Variants in BUB1B observed in about 807,000 individuals in gnomAD.
The protein encoded by BUB1B is mitotic checkpoint serine/threonine-protein kinase BUB1 beta.
In BUB1B, 86 loss-of-function variants were observed where a neutral mutation model predicts 137.7. That is an observed-to-expected ratio of 0.62 (90% CI 0.52 to 0.75). BUB1B has a LOEUF of 0.75. BUB1B is among the 30% of genes least tolerant of loss of function. BUB1B has a pLI of 0.00. For missense variants in BUB1B, 1,130 were observed against 1,236.9 expected (o/e 0.91, Z 1.30); for synonymous variants, 420 against 417.9 (o/e 1.00, Z -0.06).
intron 8 of BUB1B, among the ~76,000 whole-genome samples, chr15:40,191,946 C>G (rs1441159305): frequency 6.6e-6 from 1 of 151,930 alleles, no homozygotes; most frequent in East Asian, 1.9e-4. Context: ...CTTTGTTCCT[C>G]TTTTTAAAGA....
At chr15:40,188,208 C>T (rs917670325) in intron 8 of BUB1B, among the ~76,000 whole-genome samples, 22 of 152,008 alleles carry the variant, frequency 1.4e-4, no homozygotes, top group Non-Finnish European at 2.5e-4. Flanking sequence ...CCACCACGCC[C>T]GGCTGATTTT....
intron 15 of BUB1B, among the ~76,000 whole-genome samples, chr15:40,206,726 G>A (rs1338817379): frequency 1.3e-5 from 2 of 152,180 alleles, no homozygotes; most frequent in Non-Finnish European, 2.9e-5. Context: ...TTTGCAAAGT[G>A]TACATGACTG....
At chr15:40,201,558 C>G (rs1456751642) in intron 12 of BUB1B, among the ~76,000 whole-genome samples, 1 of 152,126 alleles carries the variant, frequency 6.6e-6, no homozygotes, top group Non-Finnish European at 1.5e-5. Flanking sequence ...AAAATTCCCC[C>G]CAAAACTCTA....
At chr15:40,166,148 C>T (rs897966259) in intron 2 of BUB1B, among the ~76,000 whole-genome samples, 2 of 152,218 alleles carry the variant, frequency 1.3e-5, no homozygotes, top group African/African-American at 4.8e-5. Context: ...CTACCGCACT[C>T]AGCCTCATTC....
At position 40,220,651 on chromosome 15, in the gene BUB1B, T is replaced by C; in HGVS notation, c.3045T>C (p.Leu1015=). ...CCACAGTGTCTGTTCTTGGGGAGCT[T>C]GCAGCAGAAATGAATGGGGTTTTTG... ...DEATVSVLGE[L]AAEMNGVFDT... is the part of the protein sequence containing the mutation. Residue 1015 remains leucine, a synonymous_variant, in exon 23 of 23, where the codon CTT becomes CTC. Coordinates refer to ENST00000287598, the MANE Select transcript of BUB1B (RefSeq NM_001211.6). 6.2e-7 allele frequency: 1 copy of C among 1,614,216 alleles called. No individual in the cohort carries two copies. The highest frequency in any genetic ancestry group is 1.1e-5 in the South Asian group (1 of 91,084).
At chr15:40,186,669 T>C (rs2037367291) in intron 8 of BUB1B, among the ~76,000 whole-genome samples, 1 of 151,090 alleles carries the variant, frequency 6.6e-6, no homozygotes, top group Admixed American at 6.6e-5. Flanking sequence ...ATGGTCTCGA[T>C]CTCCTGACCT....
chr15:40,173,910 T>C (rs552420890), intron 4 of BUB1B: 1 of 401,358 alleles, frequency 2.5e-6, no homozygotes, highest in African/African-American at 2.2e-5. Context: ...TCAGTTATTT[T>C]ATGTGACTCC....
At chr15:40,200,701 T>C (rs940394413) in intron 11 of BUB1B, among the ~76,000 whole-genome samples, 1 of 152,224 alleles carries the variant, frequency 6.6e-6, no homozygotes, top group Non-Finnish European at 1.5e-5. Context: ...GCTTACCATT[T>C]TGTAATCTGC....
chr15:40,210,497 T>C (rs1378791411), intron 18 of BUB1B, among the ~76,000 whole-genome samples: 1 of 152,184 alleles, frequency 6.6e-6, no homozygotes, highest in Non-Finnish European at 1.5e-5. Context: ...TGTCTTATAT[T>C]GGATACCTAG....
At chr15:40,194,034 T>C (rs770672034) in intron 8 of BUB1B, among the ~76,000 whole-genome samples, 23 of 152,198 alleles carry the variant, frequency 1.5e-4, no homozygotes, top group African/African-American at 4.8e-4. Flanking sequence ...ATATGTCTTC[T>C]CTCACTTCCT....
chr15:40,185,282 C>CTA lies in BUB1B; in HGVS notation c.870_871dup (p.Thr291IlefsTer7), dbSNP rs780176673. On this transcript the variant is annotated frameshift_variant, in exon 7 of 23. Transcript: ENST00000287598. LOFTEE classifies it high-confidence loss of function. ...GCTTCTACAGCAGAGTTGTCTAAGC[C>CTA]TACAGTCCAGCCATGGATAGCACCC... The CTA allele has an allele frequency of 6.2e-7, 1 of 1,614,120 alleles. No individual in the cohort carries two copies.
chr15:40,204,262 T>C (rs1045771040), intron 14 of BUB1B, among the ~76,000 whole-genome samples: 1 of 152,204 alleles, frequency 6.6e-6, no homozygotes, highest in African/African-American at 2.4e-5. Context: ...ATAATTCTGC[T>C]ACAGTTAGTC....
chr15:40,187,449 G>C (rs8036845), intron 8 of BUB1B, among the ~76,000 whole-genome samples: 264 of 152,016 alleles, frequency 1.7e-3, no homozygotes, highest in African/African-American at 6.3e-3. Flanking sequence ...TAATTAGCTG[G>C]GTATGGTGGT....
chr15:40,203,676 T>C (rs980303449), intron 14 of BUB1B, among the ~76,000 whole-genome samples: 10 of 152,216 alleles, frequency 6.6e-5, no homozygotes, highest in African/African-American at 2.4e-4. Context: ...ATGCAAAAGT[T>C]ATGTGGGCCA....
At chr15:40,207,502 C>A (rs1260704080) in intron 15 of BUB1B, among the ~76,000 whole-genome samples, 1 of 152,034 alleles carries the variant, frequency 6.6e-6, no homozygotes, top group East Asian at 1.9e-4. Flanking sequence ...ATTCACATTG[C>A]ATGATTTGGG....
chr15:40,205,976 T>G (rs2037631456), intron 14 of BUB1B, among the ~76,000 whole-genome samples: 1 of 152,200 alleles, frequency 6.6e-6, no homozygotes, highest in African/African-American at 2.4e-5. Flanking sequence ...CCCAATATTT[T>G]TCTTTGTATG....
rs1284854225 is a variant in BUB1B at position 40,178,502 on chromosome 15, T to TG, written c.581+1830dup. Among the ~76,000 whole-genome samples the TG allele has an allele frequency of 2.6e-5, 4 of 152,154 alleles. No homozygotes were observed. The East Asian group carries it at 7.7e-4, about 29-fold the overall frequency. On this transcript the variant is annotated intron_variant, in intron 5 of 22. Coordinates refer to ENST00000287598, the MANE Select transcript of BUB1B (RefSeq NM_001211.6). ...CCAGATTATGGTTTATCTTGGTGAATGCTTCATGTACACTTGAAAAATATG... is the reference window on the plus strand; with the variant it reads ...CCAGATTATGGTTTATCTTGGTGAATGGCTTCATGTACACTTGAAAAATATG...
intron 18 of BUB1B, among the ~76,000 whole-genome samples, chr15:40,211,679 G>A (rs2140907235): frequency 6.6e-6 from 1 of 152,232 alleles, no homozygotes; most frequent in African/African-American, 2.4e-5. Context: ...CCTCAGTGGT[G>A]CCTAGTGCCC....
At chr15:40,188,433 G>A (rs1182303117) in intron 8 of BUB1B, among the ~76,000 whole-genome samples, 2 of 152,064 alleles carry the variant, frequency 1.3e-5, no homozygotes, top group African/African-American at 4.8e-5. Flanking sequence ...GCTTAGTGAT[G>A]TATAGAAGCT....
Sources: allele counts gnomAD v4.1 joint callset (sites outside exome capture counted in the v4.1 genomes callset), GRCh38; gene constraint gnomAD v4.1.1; transcripts MANE v1.5; gene names NCBI Gene and HGNC (gene_info 2026-07-23, HGNC 2026-07-21).